Variants in PPP2R1B observed in about 807,000 individuals in gnomAD.
PPP2R1B encodes serine/threonine-protein phosphatase 2A 65 kDa regulatory subunit A beta isoform.
Under a neutral mutation model 72.7 loss-of-function variants are expected in PPP2R1B, and 58 were observed. The observed-to-expected ratio is 0.80, with a 90% confidence interval of 0.65 to 0.99. The LOEUF is 0.99. Ranked by LOEUF, PPP2R1B falls within the 50% of genes least tolerant of loss-of-function variation. PPP2R1B has a pLI of 0.00. For missense variants in PPP2R1B, 695 were observed against 733.6 expected, an observed-to-expected ratio of 0.95 and a Z score of 0.61; for synonymous variants, 256 against 264.6, an observed-to-expected ratio of 0.97 and a Z score of 0.32.
intron 15 of PPP2R1B, chr11:111,727,104 T>C (rs1943996102): frequency 1.9e-6 from 3 of 1,541,112 alleles, no homozygotes. Flanking sequence ...GGGGGCCCAC[T>C]TTCACATTCC....
chr11:111,725,129 T>G (rs145886854), downstream of PPP2R1B: 2 of 152,816 alleles, frequency 1.3e-5, no homozygotes, highest in African/African-American at 4.8e-5. Context: ...AAGGACATGA[T>G]AAATGAACTT....
chr11:111,705,160 A>C, the PPP2R1B span: 1 of 1,540,396 alleles, frequency 6.5e-7, no homozygotes, highest in Non-Finnish European at 8.7e-7. This position sits in a 1 kb window ranked among gnomAD's most constrained non-coding sequence, Gnocchi z 4.3. Context: ...CTTAGCTGAG[A>C]GTCTTATCTG....
At chr11:111,701,592 C>T in the PPP2R1B span, 3 of 1,612,880 alleles carry the variant, frequency 1.9e-6, no homozygotes, top group Non-Finnish European at 2.5e-6. This position sits in a 1 kb window ranked among gnomAD's most constrained non-coding sequence, Gnocchi z 4.2. Flanking sequence ...AACTTTTCAT[C>T]TTATTAATGG....
At chr11:111,765,225 A>ATT in intron 2 of PPP2R1B, 69 bp downstream of exon 2, 2 of 1,437,318 alleles carry the variant, frequency 1.4e-6, no homozygotes, top group Non-Finnish European at 1.9e-6. Context: ...TAAACTCTAA[A>ATT]AAAGTCAGTG....
intron 13 of PPP2R1B, 173 bp from the exon 14 acceptor site, chr11:111,742,317 C>T: frequency 5.1e-6 from 3 of 592,466 alleles, no homozygotes; most frequent in South Asian, 5.0e-5. Flanking sequence ...AAATCAGCTT[C>T]AGACAAGGAT....
At chr11:111,744,046 G>A (rs570597531) in intron 11 of PPP2R1B, among the ~76,000 whole-genome samples, 2 of 152,304 alleles carry the variant, frequency 1.3e-5, no homozygotes, top group African/African-American at 2.4e-5. Context: ...GAGAAGCGGG[G>A]AGGAATTCCT....
Position 111,740,327 on chromosome 11 carries a change from C to T in PPP2R1B, c.*1269G>A, listed in dbSNP as rs1944476713. On this transcript the variant is annotated 3_prime_UTR_variant, in exon 15 of 15. Coordinates refer to ENST00000527614, the MANE Select transcript of PPP2R1B (RefSeq NM_002716.5). ...CTACCTCCCAGGTTCAAGCAATTCT[C>T]CTGCCTCAGCCTCCTGAGTAGCTGG... 5 of 869,078 alleles carry T rather than the reference C, an allele frequency of 5.8e-6. No homozygotes were observed. The East Asian group carries it at 4.9e-4, about 85-fold the overall frequency. The allele number at this position is 869,078 out of a possible 1,614,324, so 53.8% of individuals were successfully genotyped here. A position where few individuals can be genotyped will look rare whatever the true frequency, so the allele number is the denominator to read the frequency against.
At chr11:111,723,623 C>G, downstream of PPP2R1B, 3 of 1,614,174 alleles carry the variant, frequency 1.9e-6, no homozygotes, top group African/African-American at 1.3e-5. Context: ...CCAGGAGACT[C>G]CACCGCCTTC....
chr11:111,737,575 GAC>G (rs1565425447), downstream of PPP2R1B: 4 of 1,614,204 alleles, frequency 2.5e-6, no homozygotes, highest in Admixed American at 1.7e-5. Flanking sequence ...CACCACTAGA[GAC>G]ACAGACAGTG....
At chr11:111,693,445 C>T in the PPP2R1B span, among the ~76,000 whole-genome samples, 53 of 152,182 alleles carry the variant, frequency 3.5e-4, no homozygotes, top group African/African-American at 1.3e-3. Context: ...AGTGTGAGGA[C>T]ATTCACAGTA....
downstream of PPP2R1B, chr11:111,724,108 C>A (rs368428099): frequency 6.2e-7 from 1 of 1,611,396 alleles, no homozygotes. Flanking sequence ...CACAACACAA[C>A]GGGTATGTCC....
At chr11:111,721,960 AG>A (rs972623473), downstream of PPP2R1B, 11 of 1,530,710 alleles carry the variant, frequency 7.2e-6, no homozygotes, top group African/African-American at 1.2e-4. Context: ...TCTCCTTGCG[AG>A]TCCACCTCAC....
chr11:111,705,067 T>C, the PPP2R1B span: 12 of 1,610,206 alleles, frequency 7.5e-6, no homozygotes, highest in Non-Finnish European at 1.0e-5. This position sits in a 1 kb window ranked among gnomAD's most constrained non-coding sequence, Gnocchi z 4.3. Flanking sequence ...ATCGGAGCAG[T>C]TTCCCAGTGG....
chr11:111,764,705 G>C, intron 3 of PPP2R1B, 100 bp downstream of exon 3: 1 of 1,172,962 alleles, frequency 8.5e-7, no homozygotes, highest in Non-Finnish European at 1.2e-6. Context: ...CCCATAAAAA[G>C]ATCTGCATAA....
At chr11:111,722,548 C>A, downstream of PPP2R1B, 2 of 974,366 alleles carry the variant, frequency 2.1e-6, no homozygotes, top group East Asian at 2.5e-5. This position sits in a 1 kb window ranked among gnomAD's most constrained non-coding sequence, Gnocchi z 4.4. Context: ...GTCCCTTCAC[C>A]CCGTGTGGAT....
intron 15 of PPP2R1B, chr11:111,729,276 T>TA (rs1944101023): frequency 6.6e-6 from 1 of 152,288 alleles, no homozygotes; most frequent in Admixed American, 6.5e-5. Flanking sequence ...GGGGCACAGA[T>TA]AGAGAACCAG....
At chr11:111,703,947 T>A in the PPP2R1B span, among the ~76,000 whole-genome samples, 1 of 152,224 alleles carries the variant, frequency 6.6e-6, no homozygotes, top group Non-Finnish European at 1.5e-5. Flanking sequence ...TCCTCTTGGC[T>A]TTTATTTCTG....
At position 111,752,192 on chromosome 11, in the gene PPP2R1B, G is replaced by A; in HGVS notation, c.1305C>T (p.Ile435=). 6.2e-7 allele frequency: 1 copy of A among 1,613,726 alleles called. No homozygotes were observed. Among genetic ancestry groups the A allele is most frequent in the Non-Finnish European group, 8.5e-7 (1 of 1,179,808 alleles). The change falls in exon 10 of 15, where the codon ATC becomes ATT. Residue 435 remains isoleucine (I), a synonymous_variant. Coordinates refer to ENST00000527614, the MANE Select transcript of PPP2R1B (RefSeq NM_002716.5). ...EDAKWRVRLA[I]IEYMPLLAGQ... Reference sequence around the variant, plus strand: ...CTGCCAGCAGCGGCATATACTCAATGATGGCCAGGCGGACCCTCCATTTGG... The same window carrying A: ...CTGCCAGCAGCGGCATATACTCAATAATGGCCAGGCGGACCCTCCATTTGG...
intron 15 of PPP2R1B, chr11:111,728,023 C>T (rs1431456273): frequency 2.6e-5 from 4 of 152,194 alleles, no homozygotes; most frequent in African/African-American, 4.8e-5. Flanking sequence ...TTTTCCCATT[C>T]GACCTCCTAT....
Sources: allele counts gnomAD v4.1 joint callset (sites outside exome capture counted in the v4.1 genomes callset), GRCh38; gene constraint gnomAD v4.1.1; non-coding constraint Gnocchi (gnomAD v3.1); transcripts MANE v1.5; gene names NCBI Gene and HGNC (gene_info 2026-07-23, HGNC 2026-07-21).